Variants in HSP90AA1 observed in about 807,000 individuals in gnomAD.
HSP90AA1 encodes the protein heat shock protein 90 alpha family class A member 1, also known as heat shock protein HSP 90-alpha.
HSP90AA1 carries 18 observed loss-of-function variants against 73.3 expected under a neutral mutation model. The observed-to-expected ratio is 0.25, with a 90% CI of 0.17 to 0.36. The LOEUF (loss-of-function observed/expected upper bound fraction) is 0.36, where lower values mean the gene tolerates loss of function less well. HSP90AA1 is among the 10% of genes least tolerant of loss of function. The probability of loss-of-function intolerance (pLI) is 1.00; values close to 1 mark genes in which losing one functional copy is unlikely to be tolerated. For synonymous variants in HSP90AA1, 477 were observed against 296.9 expected, an observed-to-expected ratio of 1.61 and a Z score of -6.24; for missense variants, 704 against 874.2, an observed-to-expected ratio of 0.81 and a Z score of 2.45.
intron 1 of HSP90AA1, among the ~76,000 whole-genome samples, chr14:102,113,650 G>A (rs1246536174): frequency 6.6e-6 from 1 of 151,934 alleles, no homozygotes; most frequent in East Asian, 1.9e-4. Context: ...CAGAGTGCTG[G>A]GATACAAGCG....
chr14:102,132,486 G>A (rs2049920239), intron 1 of HSP90AA1, among the ~76,000 whole-genome samples: 1 of 152,120 alleles, frequency 6.6e-6, no homozygotes, highest in Non-Finnish European at 1.5e-5. Context: ...GGTTGAGGCT[G>A]CAATGAGCCG....
chr14:102,119,777 A>G (rs1177921307), intron 1 of HSP90AA1, among the ~76,000 whole-genome samples: 1 of 152,082 alleles, frequency 6.6e-6, no homozygotes, highest in Non-Finnish European at 1.5e-5. Context: ...GTGAGCCACC[A>G]CACCCGGCCG....
intron 1 of HSP90AA1, among the ~76,000 whole-genome samples, chr14:102,135,143 C>T (rs979022399): frequency 6.6e-6 from 1 of 150,712 alleles, no homozygotes; most frequent in Non-Finnish European, 1.5e-5. Flanking sequence ...TACAGAGTGC[C>T]GATTGGTGTA....
chr14:102,082,628 ATTT>A (rs543350723), intron 9 of HSP90AA1, 184 bp from the exon 10 acceptor site: 1 of 543,870 alleles, frequency 1.8e-6, no homozygotes, highest in African/African-American at 1.9e-5. Context: ...TACATGCACA[ATTT>A]TTTTTTTGAG....
chr14:102,084,366 G>A (rs751467254), intron 6 of HSP90AA1, 33 bp downstream of exon 6: 22 of 1,587,208 alleles, frequency 1.4e-5, no homozygotes, highest in South Asian at 1.1e-4. Context: ...TCTTTAATCA[G>A]TGACAGTGAT....
In HSP90AA1 at chr14:102,095,731, C is replaced by T. The variant is rs940521166; in HGVS notation, c.366+6144G>A. Among the ~76,000 whole-genome samples the T allele has an allele frequency of 3.9e-5, 6 of 152,220 alleles. 1 individual carries two copies. The highest frequency in any genetic ancestry group is 7.3e-5 in the Non-Finnish European group (5 of 68,042). On this transcript the variant is annotated intron_variant, in intron 2 of 11. Transcript: ENST00000334701. Reference sequence around the variant, plus strand: ...ACTCATCTCTTGCCTTCAGCCCCCACATTCTGACAGCTGACAAGTCTGGTG... The same window carrying T: ...ACTCATCTCTTGCCTTCAGCCCCCATATTCTGACAGCTGACAAGTCTGGTG...
chr14:102,082,827 A>G (rs570304562), intron 9 of HSP90AA1: 1 of 600,932 alleles, frequency 1.7e-6, no homozygotes, highest in Admixed American at 2.8e-5. Context: ...TCACCGTGTT[A>G]GCCAGGATGG....
At chr14:102,129,006 T>C (rs186727115) in intron 1 of HSP90AA1, among the ~76,000 whole-genome samples, 16 of 151,348 alleles carry the variant, frequency 1.1e-4, no homozygotes, top group Admixed American at 6.6e-4. Flanking sequence ...CCTGGACCAA[T>C]AGAAAAATCT....
At chr14:102,137,287 G>A (rs1296628670) in intron 1 of HSP90AA1, among the ~76,000 whole-genome samples, 2 of 151,470 alleles carry the variant, frequency 1.3e-5, no homozygotes, top group East Asian at 3.9e-4. Flanking sequence ...TTGAAAATCA[G>A]AAATAAAATT....
chr14:102,094,601 A>G (rs2049400429), intron 2 of HSP90AA1, among the ~76,000 whole-genome samples: 1 of 152,196 alleles, frequency 6.6e-6, no homozygotes. Context: ...TGAAATATAG[A>G]AGGAATACTA....
At chr14:102,109,616 T>A (rs2049613081) in intron 1 of HSP90AA1, among the ~76,000 whole-genome samples, 1 of 152,194 alleles carries the variant, frequency 6.6e-6, no homozygotes, top group Admixed American at 6.5e-5. Context: ...CCTATTTTTC[T>A]TCCCAGTCTT....
At position 102,084,935 on chromosome 14, in the gene HSP90AA1, C is replaced by T. The variant is rs1463822082; in HGVS notation, c.727G>A (p.Glu243Lys). ...DEAEEKEDKE[E>K]EKEKEEKESE... ...TCTTTCTCTTCTTTTTCTTTTTCTT[C>T]TTCTTTGTCTTCCTTTTCTTCAGCC... Residue 243 changes from glutamate (E) to lysine (K), a missense_variant, in exon 5 of 11, where the codon GAA becomes AAA. By Grantham distance (56) the Glu-to-Lys change is moderately conservative. Transcript: ENST00000216281. 1.0e-5 allele frequency: 16 copies of T among 1,590,942 alleles called. No individual in the cohort carries two copies. Among genetic ancestry groups the T allele is most frequent in the East Asian group, 2.2e-5 (1 of 44,786 alleles).
At chr14:102,094,680 T>C (rs2049401342) in intron 2 of HSP90AA1, among the ~76,000 whole-genome samples, 1 of 152,180 alleles carries the variant, frequency 6.6e-6, no homozygotes, top group Non-Finnish European at 1.5e-5. Context: ...ATTCCTTCAG[T>C]GCAGTGGGTA....
Position 102,084,978 on chromosome 14 carries a change from T to A in HSP90AA1, c.684A>T (p.Lys228Asn). ...CTTCAGCCTCATCATCGCTTACTTCTTTATCACGTTCCTTCTCCACCTTCA... is the reference window on the plus strand; with the variant it reads ...CTTCAGCCTCATCATCGCTTACTTCATTATCACGTTCCTTCTCCACCTTCA... ...ITLFVEKERDKEVSDDEAEEK... is the reference protein window; with the variant it reads ...ITLFVEKERDNEVSDDEAEEK... Residue 228 changes from lysine to asparagine, a missense_variant, in exon 5 of 11, where the codon AAA becomes AAT. Transcript: ENST00000216281. 6.2e-7 allele frequency: 1 copy of A among 1,613,226 alleles called. No homozygotes were observed. The highest frequency in any genetic ancestry group is 8.5e-7 in the Non-Finnish European group (1 of 1,179,226).
upstream of HSP90AA1, among the ~76,000 whole-genome samples, chr14:102,090,433 T>C (rs1159548725): frequency 6.6e-6 from 1 of 150,384 alleles, no homozygotes; most frequent in Non-Finnish European, 1.5e-5. Context: ...CTCCTCCTCT[T>C]CCTTCCTCAA....
upstream of HSP90AA1, among the ~76,000 whole-genome samples, chr14:102,091,412 C>G (rs1176108861): frequency 1.3e-5 from 2 of 152,034 alleles, no homozygotes; most frequent in African/African-American, 4.8e-5. Flanking sequence ...CAATTGAGGT[C>G]AGAAGTTTGT....
At chr14:102,111,837 T>C (rs143983282) in intron 1 of HSP90AA1, among the ~76,000 whole-genome samples, 1 of 152,354 alleles carries the variant, frequency 6.6e-6, no homozygotes, top group Non-Finnish European at 1.5e-5. Context: ...TACATCAAGA[T>C]AGCATAAAAG....
At chr14:102,095,430 A>G (rs2049411460) in intron 2 of HSP90AA1, among the ~76,000 whole-genome samples, 1 of 152,128 alleles carries the variant, frequency 6.6e-6, no homozygotes, top group African/African-American at 2.4e-5. Flanking sequence ...CTCAGTCTGC[A>G]TCCCCTGGCA....
intron 1 of HSP90AA1, among the ~76,000 whole-genome samples, chr14:102,110,972 C>T (rs1404834106): frequency 6.6e-6 from 1 of 152,154 alleles, no homozygotes; most frequent in Admixed American, 6.6e-5. Context: ...CCTGCCTCTG[C>T]CTCCCAAAGT....
Sources: allele counts gnomAD v4.1 joint callset (sites outside exome capture counted in the v4.1 genomes callset), GRCh38; gene constraint gnomAD v4.1.1; transcripts MANE v1.5; gene names NCBI Gene and HGNC (gene_info 2026-07-23, HGNC 2026-07-21).